The following TNFRSF19 variants were observed in gnomAD, a reference collection of about 807,000 sequenced individuals.
The protein encoded by TNFRSF19 is tumor necrosis factor receptor superfamily member 19.
Under a neutral mutation model 46.4 loss-of-function variants are expected in TNFRSF19, and 27 were observed. The ratio of observed to expected loss-of-function variants is 0.58; its 90% CI spans 0.43 to 0.80. The LOEUF is 0.80. Ranked by LOEUF, TNFRSF19 falls within the 30% of genes least tolerant of loss-of-function variation. The pLI is 0.00. For synonymous variants in TNFRSF19, 204 were observed against 205.0 expected, an observed-to-expected ratio of 1.00 and a Z score of 0.04; for missense variants, 511 against 530.8, an observed-to-expected ratio of 0.96 and a Z score of 0.37.
chr13:23,605,040 T>G (rs1041300876), intron 3 of TNFRSF19, among the ~76,000 whole-genome samples: 1 of 152,136 alleles, frequency 6.6e-6, no homozygotes, highest in African/African-American at 2.4e-5. Context: ...AAGCCAGAAA[T>G]TGGTGGAAAA....
rs533887373 is a variant in TNFRSF19, at chr13:23,674,356, A to T, written c.*976A>T. On this transcript the variant is annotated 3_prime_UTR_variant, in exon 10 of 10. Transcript: ENST00000248484. ...TACTGAAGTAGCCTTCCGTGAGAAC[A>T]CACCACATGTTAGGACTAGAAGAAA... The T allele has an allele frequency of 1.1e-4, 16 of 152,358 alleles. No individual in the cohort carries two copies. The highest frequency in any genetic ancestry group is 3.1e-4 in the African/African-American group (13 of 41,586). 9.4% of individuals were successfully genotyped at this position (152,358 alleles called of 1,614,324 possible).
At chr13:23,607,103 G>A (rs974527570) in intron 3 of TNFRSF19, among the ~76,000 whole-genome samples, 4 of 145,688 alleles carry the variant, frequency 2.7e-5, no homozygotes, top group Non-Finnish European at 6.0e-5. Flanking sequence ...AGACAACTAC[G>A]TTTATAAATA....
chr13:23,650,777 A>C (rs1279091909), intron 5 of TNFRSF19, among the ~76,000 whole-genome samples: 1 of 152,244 alleles, frequency 6.6e-6, no homozygotes, highest in African/African-American at 2.4e-5. Flanking sequence ...TATGGATATA[A>C]ATGGAAGAGC....
intron 3 of TNFRSF19, among the ~76,000 whole-genome samples, chr13:23,596,165 T>C (rs1435135008): frequency 2.0e-5 from 3 of 152,108 alleles, no homozygotes; most frequent in Non-Finnish European, 4.4e-5. Flanking sequence ...CATACCAAAT[T>C]GTAAAGACCA....
chr13:23,645,112 G>T (rs894129819), intron 5 of TNFRSF19, among the ~76,000 whole-genome samples: 1 of 152,150 alleles, frequency 6.6e-6, no homozygotes, highest in African/African-American at 2.4e-5. Flanking sequence ...AATGGGCAGG[G>T]TCATTAATTT....
chr13:23,585,710 C>T (rs1352121752), intron 1 of TNFRSF19, among the ~76,000 whole-genome samples: 1 of 152,156 alleles, frequency 6.6e-6, no homozygotes, highest in Non-Finnish European at 1.5e-5. Flanking sequence ...TCATTAAGCC[C>T]TCAAATCTTA....
At chr13:23,599,041 C>T (rs1472144003) in intron 3 of TNFRSF19, among the ~76,000 whole-genome samples, 1 of 152,182 alleles carries the variant, frequency 6.6e-6, no homozygotes, top group Admixed American at 6.5e-5. Flanking sequence ...GCGTTTCTCT[C>T]TGGCTTTTGT....
chr13:23,622,107 A>G (rs1051068969), intron 4 of TNFRSF19, among the ~76,000 whole-genome samples: 1 of 152,150 alleles, frequency 6.6e-6, no homozygotes, highest in South Asian at 2.1e-4. Flanking sequence ...TCTAGTTAGT[A>G]TTTAATGGTC....
chr13:23,596,420 A>G (rs1411386221), intron 3 of TNFRSF19, among the ~76,000 whole-genome samples: 1 of 152,162 alleles, frequency 6.6e-6, no homozygotes, highest in Non-Finnish European at 1.5e-5. Context: ...AAGCAAATGG[A>G]AAGCAAAAAA....
At chr13:23,651,849 T>A (rs1376239656) in intron 5 of TNFRSF19, among the ~76,000 whole-genome samples, 1 of 143,954 alleles carries the variant, frequency 6.9e-6, no homozygotes, top group Admixed American at 6.9e-5. Context: ...TCTTTTTTTT[T>A]TTTTTTTTTT....
At chr13:23,620,357 A>T (rs971037727) in intron 4 of TNFRSF19, among the ~76,000 whole-genome samples, 13 of 152,172 alleles carry the variant, frequency 8.5e-5, no homozygotes, top group African/African-American at 3.1e-4. Context: ...TCTAGCAAGA[A>T]CCTGCTGCTG....
chr13:23,579,874 C>G (rs1180010848), intron 1 of TNFRSF19, among the ~76,000 whole-genome samples: 1 of 151,286 alleles, frequency 6.6e-6, no homozygotes, highest in Non-Finnish European at 1.5e-5. Context: ...TCACTCTGCC[C>G]AAGCCCGACC....
At chr13:23,616,066 C>G in intron 4 of TNFRSF19, 21 bp downstream of exon 4, 5 of 1,566,684 alleles carry the variant, frequency 3.2e-6, no homozygotes, top group Non-Finnish European at 4.3e-6. Context: ...CAGTTTCTTT[C>G]ACTTGTAATT....
intron 1 of TNFRSF19, among the ~76,000 whole-genome samples, chr13:23,584,318 A>G (rs1168199949): frequency 6.6e-6 from 1 of 152,162 alleles, no homozygotes; most frequent in Non-Finnish European, 1.5e-5. Flanking sequence ...GAGTAAGAAC[A>G]TACAATGTTT....
At chr13:23,589,366 A>G (rs1391727021) in intron 1 of TNFRSF19, among the ~76,000 whole-genome samples, 1 of 152,206 alleles carries the variant, frequency 6.6e-6, no homozygotes, top group Non-Finnish European at 1.5e-5. Context: ...AATGACTTTT[A>G]GATGTTTTAA....
chr13:23,624,814 G>A (rs888246880), intron 4 of TNFRSF19, among the ~76,000 whole-genome samples: 2 of 150,622 alleles, frequency 1.3e-5, no homozygotes, highest in South Asian at 2.1e-4. Flanking sequence ...GCAATGGCGC[G>A]ATCTTGGCTC....
intron 5 of TNFRSF19, among the ~76,000 whole-genome samples, chr13:23,644,071 T>C (rs542373959): frequency 6.2e-4 from 95 of 152,364 alleles, no homozygotes; most frequent in African/African-American, 2.3e-3. Flanking sequence ...TTGATTCACT[T>C]ACATTTAAAT....
In TNFRSF19 at chr13:23,624,689, C is replaced by T. The variant is rs138002409; in HGVS notation, c.360-2018C>T. ...TGAATTCCCACAATCTAGAAATAGT[C>T]GCTGTTCATATACAGTATATAATAT... On this transcript the variant is annotated intron_variant, in intron 4 of 9. Coordinates refer to ENST00000248484, the MANE Select transcript of TNFRSF19 (RefSeq NM_148957.4). Among the ~76,000 whole-genome samples the T allele has an allele frequency of 2.6e-5, 4 of 151,772 alleles. No individual in the cohort carries two copies. In the East Asian group the frequency reaches 5.8e-4, roughly 22 times the overall value.
At chr13:23,610,647 C>T (rs7991629) in intron 3 of TNFRSF19, among the ~76,000 whole-genome samples, 15,811 of 152,016 alleles carry the variant, frequency 0.1, 894 homozygotes, top group East Asian at 0.18. Flanking sequence ...CTACCTTAAA[C>T]AATATTTGTT....
Sources: gnomAD v4.1 joint callset for allele counts (sites outside exome capture counted in the v4.1 genomes callset) on GRCh38, gnomAD v4.1.1 for gene constraint, MANE v1.5 for transcripts, NCBI Gene and HGNC (gene_info 2026-07-23, HGNC 2026-07-21) for gene names.